DCLK1: variants seen among roughly 807,000 people sequenced by gnomAD.
The protein encoded by DCLK1 is serine/threonine-protein kinase DCLK1.
In DCLK1, 16 loss-of-function variants were observed where a neutral mutation model predicts 86.2. The observed-to-expected ratio is 0.19, with a 90% CI of 0.13 to 0.28. The LOEUF is 0.28. DCLK1 is among the 10% of genes least tolerant of loss of function. DCLK1 has a pLI of 1.00. For synonymous variants in DCLK1, 369 were observed against 370.5 expected, an observed-to-expected ratio of 1.00 and a Z score of 0.05; for missense variants, 590 against 940.2, an observed-to-expected ratio of 0.63 and a Z score of 4.87.
chr13:35,995,123 T>C (rs1250246007), intron 3 of DCLK1, among the ~76,000 whole-genome samples: 1 of 152,160 alleles, frequency 6.6e-6, no homozygotes, highest in Non-Finnish European at 1.5e-5. Flanking sequence ...AGTGGTGGAG[T>C]TTCTTCCTTT....
chr13:36,013,105 T>C (rs1199331184), intron 3 of DCLK1, among the ~76,000 whole-genome samples: 11 of 94,684 alleles, frequency 1.2e-4, no homozygotes, highest in African/African-American at 4.5e-4. Flanking sequence ...TTCTCTGTAT[T>C]GGTTATTCTA....
intron 10 of DCLK1, among the ~76,000 whole-genome samples, chr13:35,824,906 C>T (rs2087483725): frequency 6.6e-6 from 1 of 152,174 alleles, no homozygotes. Flanking sequence ...CAAGCCTGTC[C>T]TCATGACAGC....
At chr13:35,817,526 C>T (rs1291289489) in intron 11 of DCLK1, among the ~76,000 whole-genome samples, 1 of 152,012 alleles carries the variant, frequency 6.6e-6, no homozygotes, top group Non-Finnish European at 1.5e-5. Flanking sequence ...AATCTCTTGC[C>T]CACTAATATC....
intron 15 of DCLK1, among the ~76,000 whole-genome samples, chr13:35,798,782 T>C (rs565674647): frequency 1.3e-5 from 2 of 152,350 alleles, no homozygotes; most frequent in African/African-American, 4.8e-5. Flanking sequence ...CTTCACTTAA[T>C]TGCTAACAAA....
chr13:35,810,726 C>A, intron 12 of DCLK1, 109 bp downstream of exon 12: 6 of 1,324,256 alleles, frequency 4.5e-6, no homozygotes, highest in Admixed American at 2.6e-5. Context: ...TGGAAGAAAC[C>A]TGATAGCTAA....
chr13:35,982,437 AGGGAGGGAGGGAGG>A lies in DCLK1; in HGVS notation c.724-34994_724-34981del, dbSNP rs1566631757. On this transcript the variant is annotated intron_variant, in intron 3 of 16. Coordinates refer to ENST00000360631, the MANE Select transcript of DCLK1 (RefSeq NM_001330071.2). ...GAGAGAGAGAGAGAGAGAGAGGGGG[AGGGAGGGAGGGAGG>A]GAGGGAGGGAGGGAGGGAGGGAGGG... Among the ~76,000 whole-genome samples the A allele has an allele frequency of 7.4e-3, 181 of 24,604 alleles. 1 individual carries two copies. The highest frequency in any genetic ancestry group is 0.015 in the South Asian group (6 of 412). 16.1% of individuals were successfully genotyped at this position (24,604 alleles called of 152,430 possible).
intron 16 of DCLK1, chr13:35,788,316 G>C (rs763540375): frequency 6.3e-7 from 1 of 1,599,228 alleles, no homozygotes; most frequent in South Asian, 1.1e-5. Context: ...CAACTCAGTG[G>C]ATCAGCATTG....
intron 16 of DCLK1, among the ~76,000 whole-genome samples, chr13:35,781,095 G>A (rs756010866): frequency 2.0e-5 from 3 of 152,122 alleles, no homozygotes; most frequent in Non-Finnish European, 4.4e-5. Flanking sequence ...TATGTCTAAC[G>A]TTAAAGGAAA....
chr13:35,849,420 T>C, intron 6 of DCLK1: 1 of 985,312 alleles, frequency 1.0e-6, no homozygotes, highest in Non-Finnish European at 1.2e-6. Flanking sequence ...TATCACCTAC[T>C]GAGATATGTC....
At chr13:35,937,511 G>C (rs1385457941) in intron 4 of DCLK1, among the ~76,000 whole-genome samples, 4 of 152,094 alleles carry the variant, frequency 2.6e-5, no homozygotes, top group Non-Finnish European at 5.9e-5. Context: ...GCTACATTGG[G>C]ATCTAGCTAG....
intron 2 of DCLK1, among the ~76,000 whole-genome samples, chr13:36,114,473 G>A (rs922461079): frequency 2.0e-5 from 3 of 152,182 alleles, no homozygotes; most frequent in Non-Finnish European, 2.9e-5. Flanking sequence ...AGGAGAAGGA[G>A]CTGCCACCAA....
At chr13:36,045,483 T>C (rs1882877486) in intron 3 of DCLK1, among the ~76,000 whole-genome samples, 1 of 151,154 alleles carries the variant, frequency 6.6e-6, no homozygotes. Context: ...AAGCAAATTA[T>C]TGAACAAATT....
chr13:35,810,745 G>A (rs2153102919), intron 12 of DCLK1, 90 bp downstream of exon 12: 1 of 1,462,746 alleles, frequency 6.8e-7, no homozygotes, highest in Non-Finnish European at 9.2e-7. Context: ...AATTATGTCT[G>A]GATAGGGCAC....
intron 4 of DCLK1, among the ~76,000 whole-genome samples, chr13:35,933,722 C>A (rs1876588400): frequency 6.6e-6 from 1 of 152,152 alleles, no homozygotes; most frequent in Non-Finnish European, 1.5e-5. Flanking sequence ...TGGGCCCAGG[C>A]CACAAAACCC....
intron 3 of DCLK1, among the ~76,000 whole-genome samples, chr13:36,042,426 T>C (rs1329395891): frequency 6.6e-6 from 1 of 152,154 alleles, no homozygotes; most frequent in Non-Finnish European, 1.5e-5. Context: ...ACAGTCAAAA[T>C]TGCCCACCAA....
At chr13:35,967,332 A>G (rs1259180315) in intron 3 of DCLK1, among the ~76,000 whole-genome samples, 1 of 152,204 alleles carries the variant, frequency 6.6e-6, no homozygotes. Flanking sequence ...AGGTGTACCC[A>G]ACAGCTCATT....
At chr13:35,989,198 T>C (rs1045551771) in intron 3 of DCLK1, among the ~76,000 whole-genome samples, 1 of 152,216 alleles carries the variant, frequency 6.6e-6, no homozygotes, top group Non-Finnish European at 1.5e-5. Flanking sequence ...GATACATGTG[T>C]AGTGGAACAG....
chr13:36,061,047 G>C (rs1309018600), intron 3 of DCLK1, among the ~76,000 whole-genome samples: 2 of 152,186 alleles, frequency 1.3e-5, no homozygotes, highest in Non-Finnish European at 2.9e-5. Flanking sequence ...TCAGGTAAGG[G>C]GGATGGGGTC....
intron 3 of DCLK1, among the ~76,000 whole-genome samples, chr13:36,109,045 T>C (rs1885513888): frequency 6.6e-6 from 1 of 152,220 alleles, no homozygotes; most frequent in Admixed American, 6.5e-5. Flanking sequence ...CAGATTTCTC[T>C]TTTGAGCCAA....
Sources: gnomAD v4.1 joint callset for allele counts (sites outside exome capture counted in the v4.1 genomes callset) on GRCh38, gnomAD v4.1.1 for gene constraint, MANE v1.5 for transcripts, NCBI Gene and HGNC (gene_info 2026-07-23, HGNC 2026-07-21) for gene names.